Variants in MAML2 observed in about 807,000 individuals in gnomAD.
MAML2 encodes the protein mastermind-like protein 2.
A neutral mutation model predicts 96.1 loss-of-function variants in MAML2; 22 were observed. The observed-to-expected ratio is 0.23, with a 90% CI of 0.16 to 0.33. The LOEUF (loss-of-function observed/expected upper bound fraction) is 0.33. Ranked by LOEUF, MAML2 falls within the 10% of genes least tolerant of loss-of-function variation. The pLI is 1.00. For synonymous variants in MAML2, 561 were observed against 521.3 expected (o/e 1.08, Z -1.04); for missense variants, 1,367 against 1,392.4 (o/e 0.98, Z 0.29).
intron 2 of MAML2, among the ~76,000 whole-genome samples, chr11:96,054,985 A>G (rs1384926239): frequency 2.6e-5 from 4 of 152,202 alleles, no homozygotes; most frequent in African/African-American, 9.6e-5. Flanking sequence ...ATTTAGATCT[A>G]CTGTTCCATA....
At chr11:96,339,890 G>A (rs1437439484) in intron 1 of MAML2, among the ~76,000 whole-genome samples, 1 of 152,190 alleles carries the variant, frequency 6.6e-6, no homozygotes, top group African/African-American at 2.4e-5. Context: ...GAATAGAGCA[G>A]GTGGTAGAAA....
At chr11:96,109,444 C>T (rs900780095) in intron 1 of MAML2, among the ~76,000 whole-genome samples, 2 of 152,006 alleles carry the variant, frequency 1.3e-5, no homozygotes, top group Non-Finnish European at 2.9e-5. Flanking sequence ...ATAGCTTAAG[C>T]CTGAAGATGG....
chr11:96,000,641 G>A (rs953339502), intron 2 of MAML2, among the ~76,000 whole-genome samples: 19 of 152,158 alleles, frequency 1.2e-4, no homozygotes, highest in Non-Finnish European at 2.5e-4. Context: ...CATAAAATCT[G>A]TTTACATTAG....
intron 1 of MAML2, 71 bp downstream of exon 1, chr11:96,341,312 C>A: frequency 6.9e-7 from 1 of 1,456,570 alleles, no homozygotes. Context: ...CTACCTTAGG[C>A]CAAAGCAAAC....
At chr11:96,115,363 G>A (rs937643355) in intron 1 of MAML2, among the ~76,000 whole-genome samples, 4 of 151,682 alleles carry the variant, frequency 2.6e-5, no homozygotes, top group South Asian at 2.1e-4. Flanking sequence ...AGATGGGGGC[G>A]TCTTTGTAGG....
chr11:96,275,304 G>T (rs1308731451), intron 1 of MAML2, among the ~76,000 whole-genome samples: 2 of 118,432 alleles, frequency 1.7e-5, no homozygotes, highest in African/African-American at 6.9e-5. Flanking sequence ...TTGAGACAGA[G>T]TCTCGCTCTG....
chr11:96,337,953 C>T (rs1863940060), intron 1 of MAML2, among the ~76,000 whole-genome samples: 1 of 152,196 alleles, frequency 6.6e-6, no homozygotes, highest in Non-Finnish European at 1.5e-5. Context: ...AGATGGTGAT[C>T]CAGCAGGCAC....
intron 2 of MAML2, among the ~76,000 whole-genome samples, chr11:96,015,766 A>G (rs1858341673): frequency 6.6e-6 from 1 of 152,184 alleles, no homozygotes. Context: ...CTGGGTTTAA[A>G]TTCTGAACAA....
intron 1 of MAML2, among the ~76,000 whole-genome samples, chr11:96,250,767 G>T (rs1429677603): frequency 6.6e-6 from 1 of 152,176 alleles, no homozygotes. Flanking sequence ...ACTAAATAGG[G>T]AGGCTTTTTG....
intron 1 of MAML2, among the ~76,000 whole-genome samples, chr11:96,212,108 A>AGTGTGTGTGTGT (rs72133828): frequency 1.5e-3 from 199 of 134,234 alleles, no homozygotes; most frequent in African/African-American, 4.1e-3. Flanking sequence ...AGGAAGACAA[A>AGTGTGTGTGTGT]GTGTGTGTGT....
intron 2 of MAML2, among the ~76,000 whole-genome samples, chr11:95,997,577 C>G (rs1455101778): frequency 1.3e-5 from 2 of 152,094 alleles, no homozygotes; most frequent in Non-Finnish European, 2.9e-5. Context: ...GGGGATAAAG[C>G]AGTAAAAAGA....
At chr11:96,050,420 T>C (rs1219372967) in intron 2 of MAML2, among the ~76,000 whole-genome samples, 2 of 152,232 alleles carry the variant, frequency 1.3e-5, no homozygotes, top group Non-Finnish European at 2.9e-5. Context: ...GATGTAAGAA[T>C]GAATCCTTCA....
At chr11:96,072,767 G>A (rs958518797) in intron 2 of MAML2, among the ~76,000 whole-genome samples, 6 of 152,146 alleles carry the variant, frequency 3.9e-5, no homozygotes, top group Non-Finnish European at 7.4e-5. Flanking sequence ...CAAAAGGACT[G>A]TGTGTCTAAA....
chr11:96,217,730 A>G (rs1384363393), intron 1 of MAML2, among the ~76,000 whole-genome samples: 1 of 152,216 alleles, frequency 6.6e-6, no homozygotes, highest in Non-Finnish European at 1.5e-5. Flanking sequence ...TTGAAACCAC[A>G]GCTTCGTTCA....
chr11:96,294,459 C>A (rs550410558), intron 1 of MAML2, among the ~76,000 whole-genome samples: 1 of 152,136 alleles, frequency 6.6e-6, no homozygotes, highest in African/African-American at 2.4e-5. Context: ...TGAAAATTTG[C>A]GCATTTTCAC....
At chr11:96,214,074 T>C (rs1248955702) in intron 1 of MAML2, among the ~76,000 whole-genome samples, 16 of 152,216 alleles carry the variant, frequency 1.1e-4, no homozygotes, top group Admixed American at 1.0e-3. Context: ...TTTGTATGTA[T>C]ATATACACAA....
chr11:96,115,985 C>G (rs1242097583), intron 1 of MAML2, among the ~76,000 whole-genome samples: 1 of 152,164 alleles, frequency 6.6e-6, no homozygotes, highest in East Asian at 1.9e-4. Context: ...AAATCAGACT[C>G]TGGGGCTGAG....
At chr11:96,305,939 T>G (rs1489675330) in intron 1 of MAML2, among the ~76,000 whole-genome samples, 1 of 152,144 alleles carries the variant, frequency 6.6e-6, no homozygotes, top group Non-Finnish European at 1.5e-5. Context: ...CAAAGTGAAA[T>G]GCTCCTAGAA....
chr11:96,082,915 G>A (rs766093115), intron 2 of MAML2, among the ~76,000 whole-genome samples: 10 of 152,166 alleles, frequency 6.6e-5, no homozygotes, highest in Non-Finnish European at 7.4e-5. Flanking sequence ...GGTTCAAAAC[G>A]GGGCTCAAAG....
Sources: gnomAD v4.1 joint callset for allele counts (sites outside exome capture counted in the v4.1 genomes callset) on GRCh38, gnomAD v4.1.1 for gene constraint, MANE v1.5 for transcripts, NCBI Gene and HGNC (gene_info 2026-07-23, HGNC 2026-07-21) for gene names.